Variants in TAF11 observed in about 807,000 individuals in gnomAD.
TAF11 encodes TATA-box binding protein associated factor 11, also known as transcription initiation factor TFIID subunit 11.
Under a neutral mutation model 23.0 loss-of-function variants are expected in TAF11, and 10 were observed. The ratio of observed to expected loss-of-function variants is 0.43; its 90% CI spans 0.27 to 0.74. TAF11 has a LOEUF of 0.74. Ranked by LOEUF, TAF11 falls within the 30% of genes least tolerant of loss-of-function variation. TAF11 has a pLI of 0.19. For missense variants in TAF11, 196 were observed against 261.7 expected, an observed-to-expected ratio of 0.75 and a Z score of 1.73; for synonymous variants, 85 against 95.8, an observed-to-expected ratio of 0.89 and a Z score of 0.66.
At chr6:34,879,713 A>G (rs1766384536) in intron 4 of TAF11, 3 of 985,374 alleles carry the variant, frequency 3.0e-6, no homozygotes, top group Non-Finnish European at 3.6e-6. Flanking sequence ...CAGAAAATAC[A>G]AAGTCTACTT....
chr6:34,881,788 C>G (rs1053458649), intron 2 of TAF11, among the ~76,000 whole-genome samples: 4 of 151,906 alleles, frequency 2.6e-5, no homozygotes, highest in Non-Finnish European at 5.9e-5. Flanking sequence ...CCTCTGCCTC[C>G]TGGGTTCAAG....
Position 34,883,085 on chromosome 6 carries a change from G to A in TAF11, c.172-5C>T. On this transcript the variant is annotated splice_polypyrimidine_tract_variant and splice_region_variant and intron_variant, in intron 1 of 4. Transcript: ENST00000361288. ...TGAGACATCCTGACTCTCGAGCTGG[G>A]AAGATGAAAGAAACTCTATTATATA... 2 of 1,605,572 alleles carry A rather than the reference G, an allele frequency of 1.2e-6. No individual in the cohort carries two copies. Among genetic ancestry groups the A allele is most frequent in the Non-Finnish European group, 1.7e-6 (2 of 1,178,002 alleles).
rs4646935 is a variant in TAF11 at position 34,880,701 on chromosome 6, T to C, written c.321-325A>G. Among the ~76,000 whole-genome samples, 19 of 152,364 alleles carry C rather than the reference T, an allele frequency of 1.2e-4. No homozygotes were observed. In the East Asian group the frequency reaches 3.7e-3, roughly 29 times the overall value. On this transcript the variant is annotated intron_variant, in intron 2 of 4. Coordinates refer to ENST00000361288, the MANE Select transcript of TAF11 (RefSeq NM_005643.4). The surrounding 1 kb of genome is among the most constrained non-coding windows in gnomAD (Gnocchi z 4.8). The stretch of plus-strand genomic sequence containing the variant: ...TCACACTGATGGTAAAAATTTAATA[T>C]ACAAATTTATAATCAAACCAGTAGT...
chr6:34,887,816 A>G lies in TAF11; in HGVS notation c.142T>C (p.Leu48=), dbSNP rs771638038. 5.6e-6 allele frequency: 9 copies of G among 1,614,016 alleles called. No homozygotes were observed. In the Admixed American group the frequency reaches 1.3e-4, roughly 24 times the overall value. ...CCTTCCTCCGCTGCAGCTTCTTTCA[A>G]GTCCACATCTGCGTCTCCGTCAGTT... ...EETDGDADVD[L]KEAAAEEGEL... is the part of the protein sequence containing the mutation. Residue 48 remains leucine, a synonymous_variant, in exon 1 of 5, where the codon TTG becomes CTG. Coordinates refer to ENST00000361288, the MANE Select transcript of TAF11 (RefSeq NM_005643.4).
At chr6:34,878,780 C>T (rs1317079672) in intron 4 of TAF11, 60 bp from the exon 5 acceptor site, 1 of 1,393,044 alleles carries the variant, frequency 7.2e-7, no homozygotes, top group East Asian at 2.3e-5. Context: ...ATCACATAAT[C>T]CTTTTGAGTC....
chr6:34,883,722 G>A (rs1284470842), intron 1 of TAF11, among the ~76,000 whole-genome samples: 1 of 151,956 alleles, frequency 6.6e-6, no homozygotes, highest in Admixed American at 6.6e-5. Context: ...ACTTATGCTG[G>A]ATGTTTAATA....
chr6:34,881,083 A>G (rs1294198198), intron 2 of TAF11, among the ~76,000 whole-genome samples: 1 of 152,204 alleles, frequency 6.6e-6, no homozygotes, highest in Admixed American at 6.5e-5. Context: ...GAAAATGTTC[A>G]TACTATTTGA....
intron 4 of TAF11, 36 bp downstream of exon 4, chr6:34,879,931 A>T (rs775559608): frequency 6.3e-7 from 1 of 1,599,020 alleles, no homozygotes; most frequent in Admixed American, 1.7e-5. Flanking sequence ...AGACCACCAC[A>T]GGTACAATCC....
At position 34,886,704 on chromosome 6, in the gene TAF11, G is replaced by C. The variant is rs1242045717; in HGVS notation, c.171+1083C>G. Among the ~76,000 whole-genome samples the C allele has an allele frequency of 3.9e-5, 6 of 151,944 alleles. No homozygotes were observed. In the South Asian group the frequency reaches 1.2e-3, roughly 31 times the overall value. Reference sequence around the variant, plus strand: ...TGGTCTCAAACTCCTGACATCAGGCGATCCACCCACCTCGGCCTCCCAAAG... The same window carrying C: ...TGGTCTCAAACTCCTGACATCAGGCCATCCACCCACCTCGGCCTCCCAAAG... On this transcript the variant is annotated intron_variant, in intron 1 of 4. Coordinates refer to ENST00000361288, the MANE Select transcript of TAF11 (RefSeq NM_005643.4).
chr6:34,882,245 G>A (rs559254009), intron 2 of TAF11, among the ~76,000 whole-genome samples: 1 of 149,832 alleles, frequency 6.7e-6, no homozygotes, highest in East Asian at 2.0e-4. Context: ...GGCTGAGGCA[G>A]GAGAATCGCT....
rs773132183 is a variant in TAF11 at position 34,888,000 on chromosome 6, G to A, written c.-43C>T. Reference sequence around the variant, plus strand: ...GGGAGAGGAGATCGCGGAGATGCCTGAGGCAGAAGCTCGGAAACCCGAGCT... The same window carrying A: ...GGGAGAGGAGATCGCGGAGATGCCTAAGGCAGAAGCTCGGAAACCCGAGCT... On this transcript the variant is annotated 5_prime_UTR_variant, in exon 1 of 5. Transcript: ENST00000361288. The A allele has an allele frequency of 1.9e-6, 3 of 1,610,408 alleles. No individual in the cohort carries two copies. The highest frequency in any genetic ancestry group is 2.7e-5 in the African/African-American group (2 of 74,858).
chr6:34,887,089 G>A (rs1766540157), intron 1 of TAF11, among the ~76,000 whole-genome samples: 3 of 151,966 alleles, frequency 2.0e-5, no homozygotes, highest in Non-Finnish European at 4.4e-5. Flanking sequence ...GGATCACGAG[G>A]TCAGGAGTTC....
At chr6:34,879,580 A>G in intron 4 of TAF11, 2 of 985,184 alleles carry the variant, frequency 2.0e-6, no homozygotes, top group Non-Finnish European at 2.4e-6. Flanking sequence ...TACTCAATAA[A>G]GGGGTCAGGC....
chr6:34,882,785 G>A (rs921458960), intron 2 of TAF11, 147 bp downstream of exon 2: 21 of 996,426 alleles, frequency 2.1e-5, no homozygotes, highest in Admixed American at 1.8e-4. Context: ...GATTACAGGC[G>A]TGAGCCACCA....
intron 1 of TAF11, 99 bp downstream of exon 1, chr6:34,887,688 G>C: frequency 6.9e-7 from 1 of 1,440,796 alleles, no homozygotes; most frequent in Non-Finnish European, 9.7e-7. Context: ...GTGAGTTCGA[G>C]TTCTCGTAAC....
At chr6:34,884,598 G>A (rs1245306795) in intron 1 of TAF11, among the ~76,000 whole-genome samples, 1 of 152,110 alleles carries the variant, frequency 6.6e-6, no homozygotes, top group East Asian at 1.9e-4. Flanking sequence ...TAAAAAACTG[G>A]CTGTTTAATA....
intron 4 of TAF11, 106 bp from the exon 5 acceptor site, chr6:34,878,826 G>A: frequency 1.0e-6 from 1 of 973,244 alleles, no homozygotes. Flanking sequence ...AGCTTGCTAA[G>A]GAAATAAACA....
rs897280390 is a variant in TAF11, at chr6:34,878,489, T to C, written c.*101A>G. The C allele has an allele frequency of 1.4e-6, 1 of 723,108 alleles. No homozygotes were observed. Among genetic ancestry groups the C allele is most frequent in the Non-Finnish European group, 2.5e-6 (1 of 400,870 alleles). The allele number at this position is 723,108 out of a possible 1,614,324, so 44.8% of individuals were successfully genotyped here. ...AGACATTAAAATCATCATGGAATCC[T>C]TGGAGGCCTGAGATACTAAAGCACC... On this transcript the variant is annotated 3_prime_UTR_variant, in exon 5 of 5. Coordinates refer to ENST00000361288, the MANE Select transcript of TAF11 (RefSeq NM_005643.4).
intron 4 of TAF11, 75 bp downstream of exon 4, chr6:34,879,892 G>C (rs1261204966): frequency 1.9e-5 from 29 of 1,541,942 alleles, no homozygotes; most frequent in Non-Finnish European, 2.3e-5. Context: ...GCTTTAATAA[G>C]CTCCTTTGTG....
Sources: allele counts gnomAD v4.1 joint callset (sites outside exome capture counted in the v4.1 genomes callset), GRCh38; gene constraint gnomAD v4.1.1; non-coding constraint Gnocchi (gnomAD v3.1); transcripts MANE v1.5; gene names NCBI Gene and HGNC (gene_info 2026-07-23, HGNC 2026-07-21).